The following TEX48 variants were observed in gnomAD, a reference collection of about 807,000 sequenced individuals.
TEX48 encodes testis expressed 48.
Under a neutral mutation model 13.2 loss-of-function variants are expected in TEX48, and 10 were observed. The observed-to-expected ratio is 0.75, with a 90% CI of 0.47 to 1.28. The LOEUF (loss-of-function observed/expected upper bound fraction) is 1.28. TEX48 is among the 50% of genes most tolerant of loss of function. The pLI, the probability that TEX48 is intolerant of heterozygous loss-of-function variation, is 0.00. For synonymous variants in TEX48, 45 were observed against 52.3 expected (o/e 0.86, Z 0.60); for missense variants, 116 against 139.4 (o/e 0.83, Z 0.84).
intron 1 of TEX48, among the ~76,000 whole-genome samples, chr9:114,680,121 C>CTTTTT (rs1222465975): frequency 1.3e-4 from 6 of 44,578 alleles, no homozygotes; most frequent in African/African-American, 3.0e-4. Context: ...GTCATTGTCC[C>CTTTTT]TTTTTTTTTT....
rs140627202 is a variant in TEX48, at chr9:114,674,582, T to C, written c.-104-2755A>G. On this transcript the variant is annotated intron_variant, in intron 1 of 4. Transcript: ENST00000436752. Reference sequence around the variant, plus strand: ...TCTTCTTTTTTTCTTTTCTTTCTTTTTTTCTCTTTTCTCTTTTTCTTTCCT... The same window carrying C: ...TCTTCTTTTTTTCTTTTCTTTCTTTCTTTCTCTTTTCTCTTTTTCTTTCCT... 2.0e-3 allele frequency among the ~76,000 whole-genome samples: 127 copies of C among 63,466 alleles called. 2 individuals are homozygous for C. The highest frequency in any genetic ancestry group is 0.016 in the African/African-American group (107 of 6,502). The allele number at this position is 63,466 out of a possible 152,430, so 41.6% of individuals were successfully genotyped here.
At chr9:114,667,879 C>T (rs10982366) in intron 4 of TEX48, among the ~76,000 whole-genome samples, 18,286 of 124,144 alleles carry the variant, frequency 0.15, 1,365 homozygotes, top group Admixed American at 0.27. Flanking sequence ...GCACTCAAGC[C>T]TAGACAACAG....
At chr9:114,671,650 G>A in intron 2 of TEX48, 70 bp downstream of exon 2, 2 of 1,534,276 alleles carry the variant, frequency 1.3e-6, no homozygotes, top group Admixed American at 2.0e-5. Context: ...CAAATCTTCT[G>A]TAGCTTCCCA....
intron 1 of TEX48, among the ~76,000 whole-genome samples, chr9:114,673,978 G>T (rs10982367): frequency 0.39 from 59,303 of 151,418 alleles, 11,852 homozygotes; most frequent in African/African-American, 0.47. Context: ...GCTAACTTTT[G>T]TATTTTTTGT....
chr9:114,670,808 A>G, intron 3 of TEX48, among the ~76,000 whole-genome samples: 1 of 152,160 alleles, frequency 6.6e-6, no homozygotes. Flanking sequence ...CAATACCTAT[A>G]TATTTTTTCT....
At chr9:114,675,779 C>A (rs1281186418) in intron 1 of TEX48, among the ~76,000 whole-genome samples, 1 of 152,236 alleles carries the variant, frequency 6.6e-6, no homozygotes, top group African/African-American at 2.4e-5. Flanking sequence ...TCATCCTCAT[C>A]TTCTCTGGGT....
chr9:114,677,882 CA>C (rs1032434490), intron 1 of TEX48, among the ~76,000 whole-genome samples: 2 of 151,926 alleles, frequency 1.3e-5, no homozygotes, highest in African/African-American at 4.8e-5. Flanking sequence ...AACTGTTTAT[CA>C]ATTGTAGCGT....
chr9:114,667,455 A>C (rs771827836), intron 4 of TEX48, among the ~76,000 whole-genome samples: 1 of 152,182 alleles, frequency 6.6e-6, no homozygotes, highest in African/African-American at 2.4e-5. Flanking sequence ...CACTCAATCC[A>C]CAAGTGTTTT....
At chr9:114,681,124 G>A (rs572102057) in intron 1 of TEX48, among the ~76,000 whole-genome samples, 69 of 152,142 alleles carry the variant, frequency 4.5e-4, no homozygotes, top group Non-Finnish European at 8.8e-4. Context: ...TCTTTTTAAT[G>A]CAAATGATAG....
intron 1 of TEX48, among the ~76,000 whole-genome samples, chr9:114,674,705 A>G (rs1828029674): frequency 7.5e-6 from 1 of 133,258 alleles, no homozygotes; most frequent in Non-Finnish European, 1.5e-5. Flanking sequence ...CTTTCTTGAC[A>G]GGGTCTAGCT....
chr9:114,673,332 T>G (rs1827982373), intron 1 of TEX48, among the ~76,000 whole-genome samples: 1 of 151,356 alleles, frequency 6.6e-6, no homozygotes, highest in South Asian at 2.1e-4. Flanking sequence ...ACTAGCTGGG[T>G]GTGTGGCACA....
intron 1 of TEX48, among the ~76,000 whole-genome samples, chr9:114,675,017 G>A (rs570331500): frequency 1.6e-4 from 25 of 151,902 alleles, no homozygotes; most frequent in Non-Finnish European, 3.1e-4. Flanking sequence ...TGTGTTGAAG[G>A]TCTGCTTCTT....
intron 1 of TEX48, among the ~76,000 whole-genome samples, chr9:114,672,789 T>C (rs948780685): frequency 2.0e-5 from 3 of 152,114 alleles, no homozygotes; most frequent in Non-Finnish European, 2.9e-5. Flanking sequence ...GTATAGTAGA[T>C]GGAGCGATAT....
In TEX48 at chr9:114,671,703, G is replaced by T. The variant is rs772273678; in HGVS notation, c.4+17C>A. ...TGCCTAGGCCATTTTTTCCTATTCT[G>T]TACAAAGTTTTCTTACCCATGGAAA... On this transcript the variant is annotated intron_variant, in intron 2 of 4. Coordinates refer to ENST00000436752, the MANE Select transcript of TEX48 (RefSeq NM_001199233.2). The T allele has an allele frequency of 2.8e-5, 43 of 1,535,526 alleles. No individual in the cohort carries two copies. The highest frequency in any genetic ancestry group is 5.5e-5 in the African/African-American group (4 of 73,122).
Position 114,668,317 on chromosome 9 carries a change from C to T in TEX48, c.148G>A (p.Glu50Lys). The T allele has an allele frequency of 1.3e-6, 2 of 1,535,646 alleles. No individual in the cohort carries two copies. Among genetic ancestry groups the T allele is most frequent in the Non-Finnish European group, 1.7e-6 (2 of 1,146,894 alleles). Reference protein sequence around the residue: ...STQNLLLQKDELDRQNPKRIN... With the variant: ...STQNLLLQKDKLDRQNPKRIN... ...CGCTTGGGATTTTGTCTGTCAAGCTCATCCTTCTGAAGCAGCAAATCTGGC... is the reference window on the plus strand; with the variant it reads ...CGCTTGGGATTTTGTCTGTCAAGCTTATCCTTCTGAAGCAGCAAATCTGGC... The change falls in exon 4 of 5, where the codon GAG becomes AAG. Residue 50 changes from glutamate (E) to lysine (K), a missense_variant. Physicochemically the swap from Glu to Lys is moderately conservative, Grantham distance 56. Coordinates refer to ENST00000436752, the MANE Select transcript of TEX48 (RefSeq NM_001199233.2).
intron 1 of TEX48, among the ~76,000 whole-genome samples, chr9:114,677,292 AT>A (rs35962652): frequency 0.49 from 72,580 of 149,048 alleles, 17,433 homozygotes; most frequent in African/African-American, 0.51. Context: ...GTGTCATGGG[AT>A]TTTTTTTTTT....
intron 3 of TEX48, among the ~76,000 whole-genome samples, chr9:114,669,445 ATT>A (rs56767824): frequency 2.1e-5 from 3 of 143,316 alleles, no homozygotes; most frequent in African/African-American, 2.6e-5. Flanking sequence ...TGGCTGGCTA[ATT>A]TTTTTTTTTT....
At chr9:114,666,809 G>A in intron 4 of TEX48, 63 bp from the exon 5 acceptor site, 1 of 835,036 alleles carries the variant, frequency 1.2e-6, no homozygotes, top group Non-Finnish European at 1.9e-6. Context: ...TTGATGAACT[G>A]TTTTGGTTGT....
intron 4 of TEX48, among the ~76,000 whole-genome samples, chr9:114,667,822 C>T (rs141352653): frequency 8.3e-4 from 113 of 136,466 alleles, no homozygotes; most frequent in African/African-American, 3.1e-3. Context: ...TCACTTGAAC[C>T]TGGGAGGTGG....
Sources: allele counts gnomAD v4.1 joint callset (sites outside exome capture counted in the v4.1 genomes callset), GRCh38; gene constraint gnomAD v4.1.1; transcripts MANE v1.5; gene names NCBI Gene and HGNC (gene_info 2026-07-23, HGNC 2026-07-21).